Variants in LPP observed in about 807,000 individuals in gnomAD.
LPP encodes the protein LIM domain containing preferred translocation partner in lipoma.
In LPP, 38 loss-of-function variants were observed where a neutral mutation model predicts 60.4. The observed-to-expected ratio is 0.63, with a 90% confidence interval of 0.49 to 0.83. The LOEUF (loss-of-function observed/expected upper bound fraction) is 0.83. Ranked by LOEUF, LPP falls within the 40% of genes least tolerant of loss-of-function variation. LPP has a pLI of 0.00. For missense variants in LPP, 902 were observed against 783.6 expected, an observed-to-expected ratio of 1.15 and a Z score of -1.80; for synonymous variants, 328 against 290.8, an observed-to-expected ratio of 1.13 and a Z score of -1.30.
At chr3:188,441,044 G>A (rs1174916776) in intron 4 of LPP, among the ~76,000 whole-genome samples, 1 of 151,602 alleles carries the variant, frequency 6.6e-6, no homozygotes, top group Non-Finnish European at 1.5e-5. Context: ...GTGTGTGTGT[G>A]TGCGTGCCTG....
chr3:188,692,813 C>A (rs992962668), intron 7 of LPP, among the ~76,000 whole-genome samples: 1 of 152,204 alleles, frequency 6.6e-6, no homozygotes, highest in African/African-American at 2.4e-5. Flanking sequence ...GCAAGAGAAA[C>A]AATGTGATCC....
chr3:188,369,206 C>T (rs796979495), intron 3 of LPP, among the ~76,000 whole-genome samples: 1 of 152,186 alleles, frequency 6.6e-6, no homozygotes, highest in South Asian at 2.1e-4. Flanking sequence ...CTAGGTTTAA[C>T]CTAGTGATAG....
At chr3:188,673,345 C>T (rs1271198402) in intron 7 of LPP, among the ~76,000 whole-genome samples, 2 of 151,416 alleles carry the variant, frequency 1.3e-5, no homozygotes, top group South Asian at 4.2e-4. Flanking sequence ...AACAACAAAC[C>T]ACTGTAGAGT....
intron 4 of LPP, among the ~76,000 whole-genome samples, chr3:188,462,508 A>G (rs1799194716): frequency 7.1e-6 from 1 of 140,384 alleles, no homozygotes; most frequent in Non-Finnish European, 1.5e-5. Flanking sequence ...TAACACACCA[A>G]ATGGCTCATA....
intron 6 of LPP, among the ~76,000 whole-genome samples, chr3:188,567,757 T>C (rs1415526039): frequency 2.6e-5 from 4 of 151,976 alleles, no homozygotes; most frequent in Non-Finnish European, 5.9e-5. Context: ...AAATAATGAC[T>C]TACATCAAAC....
chr3:188,665,434 C>A (rs2149175062), intron 7 of LPP, among the ~76,000 whole-genome samples: 1 of 149,390 alleles, frequency 6.7e-6, no homozygotes, highest in Non-Finnish European at 1.5e-5. Flanking sequence ...CTAAACAGAG[C>A]AAACATATTC....
intron 9 of LPP, among the ~76,000 whole-genome samples, chr3:188,786,382 C>CAAAAAAAAAAAAAAAAAA (rs57565042): frequency 2.6e-5 from 2 of 76,646 alleles, no homozygotes; most frequent in African/African-American, 9.7e-5. Flanking sequence ...GACTCCGTCT[C>CAAAAAAAAAAAAAAAAAA]AAAAAAAAAA....
At chr3:188,257,451 A>T (rs537499866) in intron 2 of LPP, among the ~76,000 whole-genome samples, 1 of 152,344 alleles carries the variant, frequency 6.6e-6, no homozygotes, top group African/African-American at 2.4e-5. Context: ...ATTTAACGAC[A>T]GTTAAAGTCC....
intron 10 of LPP, among the ~76,000 whole-genome samples, chr3:188,871,954 C>T (rs1369095536): frequency 6.6e-6 from 1 of 152,134 alleles, no homozygotes; most frequent in Non-Finnish European, 1.5e-5. Flanking sequence ...AGTATACACT[C>T]ACCCTTTAAC....
intron 2 of LPP, among the ~76,000 whole-genome samples, chr3:188,310,708 T>G (rs1753134433): frequency 6.6e-6 from 1 of 152,186 alleles, no homozygotes; most frequent in South Asian, 2.1e-4. Context: ...TTGAGTTTAT[T>G]CAATCCTTGC....
At chr3:188,280,919 A>G (rs1741762201) in intron 2 of LPP, among the ~76,000 whole-genome samples, 1 of 142,670 alleles carries the variant, frequency 7.0e-6, no homozygotes, top group Non-Finnish European at 1.5e-5. Context: ...GGCTAATGAT[A>G]GGACGACAAA....
chr3:188,550,577 C>CAAAAAAAA (rs67052080), intron 6 of LPP, among the ~76,000 whole-genome samples: 2 of 66,894 alleles, frequency 3.0e-5, no homozygotes, highest in Non-Finnish European at 2.6e-5. Context: ...GACTCCATCT[C>CAAAAAAAA]AAAAAAAAAA....
chr3:188,471,110 A>G (rs752861314), intron 4 of LPP, among the ~76,000 whole-genome samples: 4 of 152,186 alleles, frequency 2.6e-5, no homozygotes, highest in Non-Finnish European at 5.9e-5. Context: ...TAATTGCCAT[A>G]AAATCAATTG....
chr3:188,333,278 A>G (rs1760658755), intron 2 of LPP, among the ~76,000 whole-genome samples: 1 of 152,136 alleles, frequency 6.6e-6, no homozygotes, highest in Non-Finnish European at 1.5e-5. Flanking sequence ...ATTTGGAAGG[A>G]ATTTTTTCTC....
At chr3:188,381,176 G>A (rs557007643) in intron 3 of LPP, among the ~76,000 whole-genome samples, 9 of 136,770 alleles carry the variant, frequency 6.6e-5, no homozygotes, top group South Asian at 5.2e-4. Flanking sequence ...AGCTGTTAAC[G>A]TGTGACACGA....
At chr3:188,185,482 A>C (rs1726325696) in intron 1 of LPP, among the ~76,000 whole-genome samples, 1 of 151,630 alleles carries the variant, frequency 6.6e-6, no homozygotes. Context: ...CAGTTTATAG[A>C]GTGGATAACT....
chr3:188,782,121 C>T (rs770749396), intron 9 of LPP, among the ~76,000 whole-genome samples: 1 of 152,138 alleles, frequency 6.6e-6, no homozygotes, highest in African/African-American at 2.4e-5. Context: ...GAAAGAGTAT[C>T]ATAGTTATTC....
chr3:188,680,579 G>C (rs927266920), intron 7 of LPP, among the ~76,000 whole-genome samples: 5 of 152,108 alleles, frequency 3.3e-5, no homozygotes, highest in Admixed American at 6.5e-5. Flanking sequence ...CAAATCAGTA[G>C]CAGAAAATAA....
intron 6 of LPP, among the ~76,000 whole-genome samples, 184 bp downstream of exon 6, chr3:188,524,971 CTT>C (rs540192956): frequency 4.2e-5 from 5 of 119,332 alleles, no homozygotes; most frequent in Admixed American, 9.2e-5. Flanking sequence ...CTTTCTTTCT[CTT>C]TTTTTTTTTT....
Sources: allele counts gnomAD v4.1 joint callset (sites outside exome capture counted in the v4.1 genomes callset), GRCh38; gene constraint gnomAD v4.1.1; transcripts MANE v1.5; gene names NCBI Gene and HGNC (gene_info 2026-07-23, HGNC 2026-07-21).